The following STAU2 variants were observed in gnomAD, a reference collection of about 807,000 sequenced individuals.
The protein encoded by STAU2 is double-stranded RNA-binding protein Staufen homolog 2.
Under a neutral mutation model 65.9 loss-of-function variants are expected in STAU2, and 20 were observed. The ratio of observed to expected loss-of-function variants is 0.30; its 90% confidence interval spans 0.21 to 0.44. The LOEUF (loss-of-function observed/expected upper bound fraction) is 0.44. Among genes scored for constraint, STAU2 ranks in the 20% least tolerant of loss-of-function variants. The probability of loss-of-function intolerance (pLI) is 1.00; values close to 1 mark genes in which losing one functional copy is unlikely to be tolerated. For synonymous variants in STAU2, 232 were observed against 233.9 expected, an observed-to-expected ratio of 0.99 and a Z score of 0.07; for missense variants, 558 against 683.9, an observed-to-expected ratio of 0.82 and a Z score of 2.05.
intron 6 of STAU2, chr8:73,668,997 AC>A (rs1817452426): frequency 1.4e-6 from 1 of 698,082 alleles, no homozygotes; most frequent in Non-Finnish European, 2.6e-6. Flanking sequence ...CTTGGACTTC[AC>A]CTTTCATTCC....
rs73322812 is a variant in STAU2 at position 73,486,568 on chromosome 8, C to T, written c.1531-63866G>A. On this transcript the variant is annotated intron_variant, in intron 13 of 14. Coordinates refer to ENST00000524300, the MANE Select transcript of STAU2 (RefSeq NM_001164380.2). ...ACAGCTACTCTATCAAACATGACCG[C>T]TAATTTTAGAAAATCCTTTCTCTTT... 1.0e-3 allele frequency among the ~76,000 whole-genome samples: 155 copies of T among 149,814 alleles called. 1 individual carries two copies. Among genetic ancestry groups the T allele is most frequent in the African/African-American group, 3.7e-3 (152 of 40,894 alleles).
At chr8:73,573,895 T>C (rs993339688) in intron 12 of STAU2, among the ~76,000 whole-genome samples, 4 of 152,026 alleles carry the variant, frequency 2.6e-5, no homozygotes, top group African/African-American at 9.7e-5. Context: ...AAAGCCAAAA[T>C]TGACAAATGG....
intron 11 of STAU2, among the ~76,000 whole-genome samples, chr8:73,593,935 C>T (rs1278630037): frequency 6.6e-6 from 1 of 151,980 alleles, no homozygotes; most frequent in East Asian, 1.9e-4. Flanking sequence ...TTGGAGAACC[C>T]TGACTTATAC....
intron 13 of STAU2, among the ~76,000 whole-genome samples, chr8:73,431,784 G>A (rs1817320049): frequency 6.6e-6 from 1 of 152,208 alleles, no homozygotes; most frequent in African/African-American, 2.4e-5. Context: ...ACAGAATGGA[G>A]GTGAGTCCAG....
At chr8:73,569,553 C>T (rs897964668) in intron 12 of STAU2, among the ~76,000 whole-genome samples, 3 of 152,016 alleles carry the variant, frequency 2.0e-5, no homozygotes, top group African/African-American at 7.2e-5. Flanking sequence ...CTGGGAGACA[C>T]CTTCCAGTAG....
At chr8:73,526,198 C>T (rs867956055) in intron 13 of STAU2, among the ~76,000 whole-genome samples, 1 of 152,230 alleles carries the variant, frequency 6.6e-6, no homozygotes, top group Middle Eastern at 3.4e-3. Flanking sequence ...GTCATCTAAC[C>T]CAACTCCTTC....
intron 13 of STAU2, chr8:73,551,599 C>T: frequency 1.0e-6 from 1 of 989,428 alleles, no homozygotes; most frequent in Non-Finnish European, 1.2e-6. Context: ...AAGGTAAAAT[C>T]ATCATAAAAA....
At chr8:73,744,498 A>AT (rs1563544212) in intron 1 of STAU2, among the ~76,000 whole-genome samples, 1 of 151,984 alleles carries the variant, frequency 6.6e-6, no homozygotes, top group East Asian at 1.9e-4. Context: ...AAAAAAAAAA[A>AT]AAAACCTACC....
At chr8:73,675,506 C>T (rs1202457016) in intron 5 of STAU2, 4 of 152,098 alleles carry the variant, frequency 2.6e-5, no homozygotes, top group East Asian at 3.9e-4. Flanking sequence ...TACTCCTCAC[C>T]GCATGACAAA....
chr8:73,649,431 A>G (rs1191548981), intron 6 of STAU2, among the ~76,000 whole-genome samples: 1 of 151,996 alleles, frequency 6.6e-6, no homozygotes, highest in Non-Finnish European at 1.5e-5. Context: ...GATCTTTGCA[A>G]TTTTCTAGAA....
intron 4 of STAU2, among the ~76,000 whole-genome samples, chr8:73,701,462 A>C (rs548016123): frequency 2.2e-4 from 33 of 148,272 alleles, no homozygotes; most frequent in African/African-American, 8.2e-4. Context: ...TTAAACAACA[A>C]ACAGGTATAT....
At position 73,711,086 on chromosome 8, in the gene STAU2, A is replaced by G. The variant is rs967104631; in HGVS notation, c.-17-1924T>C. Among the ~76,000 whole-genome samples, 10 of 147,290 alleles carry G rather than the reference A, an allele frequency of 6.8e-5. No individual in the cohort carries two copies. In the South Asian group the frequency reaches 8.8e-4, roughly 13 times the overall value. The stretch of plus-strand genomic sequence containing the variant: ...CTAAGCAACCAATTGTAGGGCCAAG[A>G]CAGCTGACAGTAGATTCTACAATTA... On this transcript the variant is annotated intron_variant, in intron 3 of 14. Coordinates refer to ENST00000524300, the MANE Select transcript of STAU2 (RefSeq NM_001164380.2).
At chr8:73,740,826 C>A (rs992546337) in intron 1 of STAU2, among the ~76,000 whole-genome samples, 3 of 151,942 alleles carry the variant, frequency 2.0e-5, no homozygotes, top group Non-Finnish European at 4.4e-5. Context: ...CATGGTGAAA[C>A]CCTGTCTCTA....
chr8:73,677,502 T>C (rs1250737881), intron 5 of STAU2, among the ~76,000 whole-genome samples: 1 of 152,172 alleles, frequency 6.6e-6, no homozygotes, highest in East Asian at 1.9e-4. Flanking sequence ...GAATACTACA[T>C]AGCAATGAAA....
intron 4 of STAU2, among the ~76,000 whole-genome samples, chr8:73,707,493 A>C (rs1220133062): frequency 2.0e-5 from 3 of 152,226 alleles, no homozygotes; most frequent in Non-Finnish European, 4.4e-5. Context: ...TCATCTATTT[A>C]AGTGTTGAAA....
chr8:73,426,605 C>A (rs542835837), intron 13 of STAU2, among the ~76,000 whole-genome samples: 1 of 152,184 alleles, frequency 6.6e-6, no homozygotes, highest in Admixed American at 6.5e-5. Context: ...CACATTCGCC[C>A]AGTTTCATCC....
intron 13 of STAU2, among the ~76,000 whole-genome samples, chr8:73,462,580 T>G (rs1054324762): frequency 6.6e-6 from 1 of 151,816 alleles, no homozygotes; most frequent in South Asian, 2.1e-4. Flanking sequence ...ATTTTTTTTA[T>G]AGAGAAAGGG....
At chr8:73,534,169 C>T (rs1806026306) in intron 13 of STAU2, among the ~76,000 whole-genome samples, 1 of 152,160 alleles carries the variant, frequency 6.6e-6, no homozygotes, top group East Asian at 1.9e-4. Flanking sequence ...GTAGCAATTC[C>T]ACTGTAGCTA....
intron 1 of STAU2, among the ~76,000 whole-genome samples, chr8:73,743,901 A>G (rs1473966075): frequency 6.6e-6 from 1 of 151,002 alleles, no homozygotes; most frequent in African/African-American, 2.4e-5. Flanking sequence ...CCTCCCGAGT[A>G]GCTGGGATTA....
Sources: gnomAD v4.1 joint callset for allele counts (sites outside exome capture counted in the v4.1 genomes callset) on GRCh38, gnomAD v4.1.1 for gene constraint, MANE v1.5 for transcripts, NCBI Gene and HGNC (gene_info 2026-07-23, HGNC 2026-07-21) for gene names.